ANKFN1: variants seen among roughly 807,000 people sequenced by gnomAD.
The protein encoded by ANKFN1 is ankyrin repeat and fibronectin type-III domain-containing protein 1.
ANKFN1 carries 74 observed loss-of-function variants against 108.7 expected under a neutral mutation model. That is an observed-to-expected ratio of 0.68 (90% confidence interval 0.56 to 0.83). The LOEUF is 0.83. Among genes scored for constraint, ANKFN1 ranks in the 40% least tolerant of loss-of-function variants. ANKFN1 has a pLI of 0.00. For synonymous variants in ANKFN1, 547 were observed against 516.2 expected (o/e 1.06, Z -0.81); for missense variants, 1,505 against 1,382.3 (o/e 1.09, Z -1.41).
intron 11 of ANKFN1, among the ~76,000 whole-genome samples, chr17:56,455,193 G>T (rs1246403658): frequency 6.6e-6 from 1 of 151,958 alleles, no homozygotes; most frequent in Non-Finnish European, 1.5e-5. Context: ...GCTTACTTTT[G>T]TCTCCTTTCC....
At chr17:56,083,427 A>G (rs1905271797) in intron 4 of ANKFN1, among the ~76,000 whole-genome samples, 1 of 151,304 alleles carries the variant, frequency 6.6e-6, no homozygotes, top group Non-Finnish European at 1.5e-5. Flanking sequence ...ACTCCCTCCT[A>G]CTATTTTGCC....
chr17:56,358,801 A>G (rs149851594), intron 6 of ANKFN1, among the ~76,000 whole-genome samples: 1 of 152,302 alleles, frequency 6.6e-6, no homozygotes, highest in Non-Finnish European at 1.5e-5. Context: ...TTAGGATCCC[A>G]GTCGCTATGA....
chr17:56,414,962 G>A (rs2048197803), intron 8 of ANKFN1, among the ~76,000 whole-genome samples: 1 of 152,028 alleles, frequency 6.6e-6, no homozygotes, highest in African/African-American at 2.4e-5. Flanking sequence ...AGAGGTTGTG[G>A]TGAGCCAAGA....
intron 20 of ANKFN1, 95 bp downstream of exon 20, chr17:56,499,193 G>A: frequency 8.5e-7 from 1 of 1,182,120 alleles, no homozygotes; most frequent in Non-Finnish European, 1.2e-6. Flanking sequence ...ATTGGTTCCA[G>A]AAAGTGGATG....
At chr17:56,066,378 C>T (rs1200525917) in intron 4 of ANKFN1, among the ~76,000 whole-genome samples, 1 of 152,154 alleles carries the variant, frequency 6.6e-6, no homozygotes, top group East Asian at 1.9e-4. Context: ...GGCTGCTGAG[C>T]ATTTGTAATG....
chr17:56,145,311 G>A lies in ANKFN1; in HGVS notation c.289-82606G>A, dbSNP rs567162643. Among the ~76,000 whole-genome samples, 6 of 152,280 alleles carry A rather than the reference G, an allele frequency of 3.9e-5. No individual in the cohort carries two copies. In the East Asian group the frequency reaches 7.7e-4, roughly 20 times the overall value. ...AAAAATAGAATGTTTTTTGCTAGCA[G>A]ATGTGTAAAACCTGTAGTATTAGTC... On this transcript the variant is annotated intron_variant, in intron 4 of 12. Coordinates refer to the ANKFN1 transcript ENST00000635860.
Position 56,510,711 on chromosome 17 carries a change from T to C in ANKFN1, c.2883T>C (p.Asn961=), listed in dbSNP as rs1375368861. 2.0e-6 allele frequency: 3 copies of C among 1,535,974 alleles called. No homozygotes were observed. The highest frequency in any genetic ancestry group is 3.9e-5 in the Admixed American group (2 of 51,000). ...PGQDPQGEGP[N]PDHSCAEFLH... is the part of the protein sequence containing the mutation. ...AGGATCCCCAGGGCGAGGGCCCAAA[T>C]CCCGATCACTCATGTGCCGAGTTTC... is the stretch of plus-strand genomic sequence containing the variant. Residue 961 remains asparagine (N), a synonymous_variant, in exon 21 of 21, where the codon AAT becomes AAC. Coordinates refer to ENST00000682825, the MANE Select transcript of ANKFN1 (RefSeq NM_001370326.1).
intron 4 of ANKFN1, among the ~76,000 whole-genome samples, chr17:56,345,935 T>C (rs1025638501): frequency 1.3e-5 from 2 of 152,150 alleles, no homozygotes; most frequent in Non-Finnish European, 1.5e-5. Flanking sequence ...GCAATTGCTT[T>C]TCATGTTTTA....
chr17:56,458,085 T>TTCAGA, intron 14 of ANKFN1, 106 bp downstream of exon 14: 1 of 884,122 alleles, frequency 1.1e-6, no homozygotes, highest in East Asian at 2.6e-5. Flanking sequence ...TCCCTTCTCT[T>TTCAGA]TCAGACCCCT....
At chr17:56,186,939 A>G (rs1912269307) in intron 1 of ANKFN1, among the ~76,000 whole-genome samples, 1 of 152,222 alleles carries the variant, frequency 6.6e-6, no homozygotes, top group Non-Finnish European at 1.5e-5. Context: ...TTAATTCAAG[A>G]TGGATTAAAG....
chr17:56,437,041 G>T (rs758505806), intron 8 of ANKFN1, among the ~76,000 whole-genome samples: 1 of 152,168 alleles, frequency 6.6e-6, no homozygotes, highest in African/African-American at 2.4e-5. Context: ...CTAACATGGA[G>T]AATTGTTTGC....
At chr17:56,468,261 A>G (rs918675894) in intron 15 of ANKFN1, among the ~76,000 whole-genome samples, 2 of 152,276 alleles carry the variant, frequency 1.3e-5, no homozygotes, top group South Asian at 4.1e-4. Flanking sequence ...TGAATACTGA[A>G]TAGCCACCAA....
At chr17:56,279,474 T>C (rs886537217) in intron 3 of ANKFN1, among the ~76,000 whole-genome samples, 20 of 152,334 alleles carry the variant, frequency 1.3e-4, no homozygotes, top group African/African-American at 4.6e-4. Flanking sequence ...CTTCAGACAG[T>C]CTTTTGTTTT....
At chr17:56,476,001 G>A (rs2050485619) in intron 15 of ANKFN1, among the ~76,000 whole-genome samples, 1 of 152,212 alleles carries the variant, frequency 6.6e-6, no homozygotes, top group Non-Finnish European at 1.5e-5. Flanking sequence ...AAGTGAAGGG[G>A]AAGCAAACAC....
chr17:56,271,165 A>G (rs1342176120), intron 3 of ANKFN1, among the ~76,000 whole-genome samples: 2 of 151,584 alleles, frequency 1.3e-5, no homozygotes, highest in Non-Finnish European at 2.9e-5. Context: ...GCACCACCAC[A>G]CCCAGCTAAT....
intron 4 of ANKFN1, among the ~76,000 whole-genome samples, chr17:56,105,922 G>C (rs1026376703): frequency 6.6e-6 from 1 of 151,964 alleles, no homozygotes; most frequent in African/African-American, 2.4e-5. Flanking sequence ...GTAAAGGCAC[G>C]GGATGCTGCT....
chr17:56,381,245 A>T (rs896148551), intron 8 of ANKFN1, among the ~76,000 whole-genome samples: 4 of 152,202 alleles, frequency 2.6e-5, no homozygotes, highest in African/African-American at 9.7e-5. Context: ...TTAGAAGGAA[A>T]ACTAACAAAC....
rs1332996515 is a variant in ANKFN1, at chr17:56,227,940, T to C, written c.36T>C (p.His12=). The change falls in exon 3 of 21, where the codon CAT becomes CAC. Residue 12 remains histidine (H), a synonymous_variant. Transcript: ENST00000682825. ...AGAGGCTACTCTTTAAAGACAGGCA[T>C]TTTACTTGCAGCAAAATGTAAGTAC... ...NEKRLLFKDR[H]FTCSKIIGRR... The C allele has an allele frequency of 1.2e-6, 2 of 1,606,998 alleles. No homozygotes were observed. The highest frequency in any genetic ancestry group is 1.3e-5 in the African/African-American group (1 of 74,602).
rs536222118 is a variant in ANKFN1, at chr17:56,143,599, C to T, written c.289-84318C>T. On this transcript the variant is annotated intron_variant, in intron 4 of 12. Coordinates refer to the ANKFN1 transcript ENST00000635860. ...AAAAGATATATCCAAACCCTAAGCC[C>T]CATTACTTTATGAATGTGACCTGAT... 2.6e-4 allele frequency among the ~76,000 whole-genome samples: 39 copies of T among 152,200 alleles called. No homozygotes were observed. In the South Asian group the frequency reaches 7.0e-3, roughly 28 times the overall value.
Sources: gnomAD v4.1 joint callset for allele counts (sites outside exome capture counted in the v4.1 genomes callset) on GRCh38, gnomAD v4.1.1 for gene constraint, MANE v1.5 for transcripts, NCBI Gene and HGNC (gene_info 2026-07-23, HGNC 2026-07-21) for gene names.